The following ITPR2 variants were observed in gnomAD, a reference collection of about 807,000 sequenced individuals.
ITPR2 encodes inositol 1,4,5-trisphosphate receptor type 2.
Under a neutral mutation model 317.1 loss-of-function variants are expected in ITPR2, and 207 were observed. That is an observed-to-expected ratio of 0.65 (90% CI 0.58 to 0.73). The LOEUF (loss-of-function observed/expected upper bound fraction) is 0.73, where lower values mean the gene tolerates loss of function less well. Ranked by LOEUF, ITPR2 falls within the 30% of genes least tolerant of loss-of-function variation. ITPR2 has a pLI of 0.00. For synonymous variants in ITPR2, 1,156 were observed against 1,149.1 expected (o/e 1.01, Z -0.12); for missense variants, 2,613 against 3,284.0 (o/e 0.80, Z 4.99).
intron 37 of ITPR2, among the ~76,000 whole-genome samples, chr12:26,527,376 TA>T (rs1943834372): frequency 6.6e-6 from 1 of 152,202 alleles, no homozygotes; most frequent in African/African-American, 2.4e-5. Flanking sequence ...ATAGAATGCC[TA>T]AAAGTGTCAT....
In ITPR2 at chr12:26,578,840, C is replaced by T. The variant is rs777102498; in HGVS notation, c.4510-7G>A. ...TAAAAACTGGCTGATGTGTCTAAAACCAGAAAGAAGGTAGGCAAAAAGAGA... is the reference window on the plus strand; with the variant it reads ...TAAAAACTGGCTGATGTGTCTAAAATCAGAAAGAAGGTAGGCAAAAAGAGA... On this transcript the variant is annotated splice_polypyrimidine_tract_variant and splice_region_variant and intron_variant, in intron 33 of 56. Transcript: ENST00000381340. The T allele has an allele frequency of 7.5e-6, 12 of 1,600,540 alleles. No homozygotes were observed. The highest frequency in any genetic ancestry group is 6.7e-5 in the Admixed American group (4 of 59,864).
At chr12:26,608,903 G>C (rs1243059975) in intron 26 of ITPR2, among the ~76,000 whole-genome samples, 1 of 151,890 alleles carries the variant, frequency 6.6e-6, no homozygotes, top group Non-Finnish European at 1.5e-5. Context: ...GTAAAATGTA[G>C]AAAGCATGGG....
intron 2 of ITPR2, among the ~76,000 whole-genome samples, chr12:26,766,378 GACA>G (rs1302147489): frequency 1.3e-5 from 2 of 151,320 alleles, no homozygotes; most frequent in Non-Finnish European, 2.9e-5. Context: ...GATGTTTAAT[GACA>G]ACATCTTTCC....
At chr12:26,628,860 T>C (rs774092236) in intron 22 of ITPR2, among the ~76,000 whole-genome samples, 4 of 152,122 alleles carry the variant, frequency 2.6e-5, no homozygotes, top group Non-Finnish European at 4.4e-5. Context: ...TAGGAAACTA[T>C]TGAGAGCTAA....
chr12:26,784,731 G>A (rs1445431750), intron 2 of ITPR2, among the ~76,000 whole-genome samples: 1 of 151,266 alleles, frequency 6.6e-6, no homozygotes, highest in African/African-American at 2.4e-5. Context: ...GCCCCCCAAA[G>A]TGCCGAGATT....
chr12:26,590,391 A>T (rs2137099373), intron 32 of ITPR2, among the ~76,000 whole-genome samples: 1 of 152,270 alleles, frequency 6.6e-6, no homozygotes, highest in South Asian at 2.1e-4. Context: ...ATAAGGAAAA[A>T]CTTGATAGCA....
chr12:26,794,317 G>T (rs1950392062), intron 1 of ITPR2, among the ~76,000 whole-genome samples: 1 of 152,128 alleles, frequency 6.6e-6, no homozygotes, highest in Admixed American at 6.5e-5. Context: ...CAAGTCCACT[G>T]ATACTTTGTC....
At chr12:26,625,666 GTATATATAGATCATA>G (rs1248203173) in intron 23 of ITPR2, among the ~76,000 whole-genome samples, 1 of 152,084 alleles carries the variant, frequency 6.6e-6, no homozygotes, top group Non-Finnish European at 1.5e-5. Context: ...AAGTGTGTGT[GTATATATAGATCATA>G]TATACATACA....
intron 8 of ITPR2, among the ~76,000 whole-genome samples, chr12:26,714,245 G>A (rs2137028662): frequency 6.6e-6 from 1 of 152,066 alleles, no homozygotes; most frequent in African/African-American, 2.4e-5. Context: ...TTTGATTATG[G>A]TTATCTCTCC....
At chr12:26,477,113 C>T (rs145194648) in intron 43 of ITPR2, 106 bp from the exon 44 acceptor site, 38 of 638,700 alleles carry the variant, frequency 5.9e-5, no homozygotes, top group East Asian at 1.4e-4. Flanking sequence ...TTTAATCAAA[C>T]GGAATTTAAA....
intron 37 of ITPR2, among the ~76,000 whole-genome samples, chr12:26,534,766 G>C (rs1448422798): frequency 6.6e-5 from 10 of 152,168 alleles, no homozygotes; most frequent in Non-Finnish European, 1.5e-4. Context: ...TGAACAGGTG[G>C]TTTACTAAGA....
chr12:26,567,974 T>C (rs1945028802), intron 34 of ITPR2, among the ~76,000 whole-genome samples: 1 of 8,944 alleles, frequency 1.1e-4, no homozygotes. Context: ...ATATATTATA[T>C]ATATTATATA....
intron 55 of ITPR2, among the ~76,000 whole-genome samples, chr12:26,356,985 CATG>C: frequency 6.6e-6 from 1 of 152,166 alleles, no homozygotes; most frequent in Non-Finnish European, 1.5e-5. Flanking sequence ...GTTTCTAATA[CATG>C]ATGAAGCCAG....
chr12:26,762,547 C>T (rs1471554193), intron 2 of ITPR2, among the ~76,000 whole-genome samples: 2 of 152,094 alleles, frequency 1.3e-5, no homozygotes, highest in African/African-American at 4.8e-5. Context: ...ACCATGAGAC[C>T]TGCCTAACAA....
intron 37 of ITPR2, among the ~76,000 whole-genome samples, chr12:26,497,056 A>G (rs1471142986): frequency 6.6e-6 from 1 of 150,868 alleles, no homozygotes; most frequent in Non-Finnish European, 1.5e-5. Context: ...ATGTCAAATG[A>G]CATGAAATCC....
At chr12:26,400,284 A>T (rs752012951) in intron 52 of ITPR2, 26 bp from the exon 53 acceptor site, 1 of 1,348,422 alleles carries the variant, frequency 7.4e-7, no homozygotes, top group African/African-American at 1.5e-5. Context: ...CAAATATATG[A>T]TATAAAATTA....
chr12:26,795,012 T>C (rs944070792), intron 1 of ITPR2, among the ~76,000 whole-genome samples: 1 of 152,272 alleles, frequency 6.6e-6, no homozygotes, highest in African/African-American at 2.4e-5. Context: ...TTTGTCGATG[T>C]CTATTCCAGC....
At chr12:26,505,005 G>A (rs1278135124) in intron 37 of ITPR2, among the ~76,000 whole-genome samples, 1 of 152,164 alleles carries the variant, frequency 6.6e-6, no homozygotes, top group Non-Finnish European at 1.5e-5. Context: ...TATTCAAAAC[G>A]TGAGCTACCT....
chr12:26,417,641 C>T (rs1464318618), intron 50 of ITPR2, among the ~76,000 whole-genome samples: 1 of 152,120 alleles, frequency 6.6e-6, no homozygotes, highest in East Asian at 1.9e-4. Context: ...CTTAGGCCTC[C>T]CCAGCCATGT....
Sources: allele counts gnomAD v4.1 joint callset (sites outside exome capture counted in the v4.1 genomes callset), GRCh38; gene constraint gnomAD v4.1.1; transcripts MANE v1.5; gene names NCBI Gene and HGNC (gene_info 2026-07-23, HGNC 2026-07-21).